Variants in PAX5 observed in about 807,000 individuals in gnomAD.
PAX5 encodes the protein paired box 5, also known as paired box protein Pax-5.
Under a neutral mutation model 43.7 loss-of-function variants are expected in PAX5, and 9 were observed. The ratio of observed to expected loss-of-function variants is 0.21; its 90% CI spans 0.12 to 0.36. PAX5 has a LOEUF of 0.36. Ranked by LOEUF, PAX5 falls within the 10% of genes least tolerant of loss-of-function variation. The probability of loss-of-function intolerance (pLI) is 1.00; values close to 1 mark genes in which losing one functional copy is unlikely to be tolerated. For missense variants in PAX5, 383 were observed against 532.7 expected, an observed-to-expected ratio of 0.72 and a Z score of 2.77; for synonymous variants, 228 against 214.3, an observed-to-expected ratio of 1.06 and a Z score of -0.56.
At chr9:36,849,443 G>T (rs1460981606) in intron 8 of PAX5, among the ~76,000 whole-genome samples, 1 of 152,262 alleles carries the variant, frequency 6.6e-6, no homozygotes, top group East Asian at 1.9e-4. Flanking sequence ...AGGGAGTTTT[G>T]TCTGTTCACG....
At position 36,921,440 on chromosome 9, in the gene PAX5, T is replaced by C. The variant is rs574864090; in HGVS notation, c.910+1915A>G. On this transcript the variant is annotated intron_variant, in intron 7 of 9. Transcript: ENST00000358127. ...AAGGCAGTGACCTTGCTGGATGAGC[T>C]CCAGCTGATCTGTGTGGCAGCATGG... Among the ~76,000 whole-genome samples, 12 of 152,282 alleles carry C rather than the reference T, an allele frequency of 7.9e-5. No homozygotes were observed. The South Asian group carries it at 2.5e-3, about 32-fold the overall frequency.
intron 4 of PAX5, among the ~76,000 whole-genome samples, chr9:37,004,931 A>C (rs1838258935): frequency 6.6e-6 from 1 of 152,232 alleles, no homozygotes; most frequent in African/African-American, 2.4e-5. Context: ...CTCCTCGGTA[A>C]GTTTGTGAAC....
chr9:37,033,870 A>T, intron 1 of PAX5, 116 bp downstream of exon 1: 1 of 801,066 alleles, frequency 1.2e-6, no homozygotes, highest in Non-Finnish European at 2.2e-6. Context: ...CCGCAGTTAG[A>T]CAGTCTCTAC....
chr9:36,850,939 C>T (rs1823101672), intron 8 of PAX5, among the ~76,000 whole-genome samples: 1 of 152,192 alleles, frequency 6.6e-6, no homozygotes, highest in African/African-American at 2.4e-5. Flanking sequence ...GCAGTTGGCA[C>T]TGTAAACTGG....
intron 5 of PAX5, among the ~76,000 whole-genome samples, chr9:37,002,174 G>A (rs1837931025): frequency 6.6e-6 from 1 of 152,106 alleles, no homozygotes; most frequent in African/African-American, 2.4e-5. Context: ...TTCTCTGTCT[G>A]CTGAGACGTG....
In PAX5 at chr9:36,835,353, C is replaced by T. The variant is rs1821567551; in HGVS notation, c.*5207G>A. On this transcript the variant is annotated 3_prime_UTR_variant, in exon 10 of 10. Coordinates refer to ENST00000358127, the MANE Select transcript of PAX5 (RefSeq NM_016734.3). ...AAAGACAGGCTGGTGCCTGCCTGCT[C>T]CTGGCCGGCAGCTCATTTCAGAGAA... 1 of 232,784 alleles carries T rather than the reference C, an allele frequency of 4.3e-6. No individual in the cohort carries two copies. Among genetic ancestry groups the T allele is most frequent in the African/African-American group, 2.2e-5 (1 of 45,332 alleles). 14.4% of individuals were successfully genotyped at this position (232,784 alleles called of 1,614,324 possible).
chr9:36,905,919 C>T (rs570175484), intron 7 of PAX5, among the ~76,000 whole-genome samples: 1 of 152,148 alleles, frequency 6.6e-6, no homozygotes, highest in East Asian at 1.9e-4. Context: ...ATTCCAAAGT[C>T]TCTTGACTCT....
intron 5 of PAX5, among the ~76,000 whole-genome samples, chr9:36,976,401 G>A (rs1465940761): frequency 6.6e-6 from 1 of 152,142 alleles, no homozygotes; most frequent in East Asian, 1.9e-4. Context: ...GACGATCAGA[G>A]CCAGGCCTGG....
chr9:36,957,074 A>G (rs1833551431), intron 6 of PAX5, among the ~76,000 whole-genome samples: 1 of 152,130 alleles, frequency 6.6e-6, no homozygotes, highest in Non-Finnish European at 1.5e-5. Context: ...CACTTATCCG[A>G]CTGGTCAGAG....
intron 5 of PAX5, among the ~76,000 whole-genome samples, chr9:36,999,088 A>C (rs1002831948): frequency 1.1e-4 from 16 of 152,194 alleles, no homozygotes; most frequent in Non-Finnish European, 1.6e-4. Context: ...CATCTGAGAC[A>C]CATAGCTCAA....
At chr9:36,896,460 C>T (rs1827876398) in intron 7 of PAX5, among the ~76,000 whole-genome samples, 2 of 152,042 alleles carry the variant, frequency 1.3e-5, no homozygotes, top group Admixed American at 6.6e-5. Context: ...AAACCAAGCC[C>T]ATCCCACAGA....
intron 8 of PAX5, among the ~76,000 whole-genome samples, chr9:36,877,644 C>T (rs956505560): frequency 5.3e-5 from 8 of 152,228 alleles, no homozygotes; most frequent in African/African-American, 1.9e-4. Context: ...AGCACCGTCA[C>T]AATTCAGTGG....
chr9:36,881,791 C>A (rs368493836), intron 8 of PAX5, among the ~76,000 whole-genome samples: 8 of 151,976 alleles, frequency 5.3e-5, no homozygotes, highest in African/African-American at 1.9e-4. Flanking sequence ...AGTCAAAGAC[C>A]CTCCCCTCGC....
rs150535499 is a variant in PAX5 at position 37,010,765 on chromosome 9, C to T, written c.411-4228G>A. ...CCATCAGTGCAGTAAGAAGCTTGGG[C>T]CATCAGCTATGCCGAGAATTCAAAA... On this transcript the variant is annotated intron_variant, in intron 3 of 9. Coordinates refer to ENST00000358127, the MANE Select transcript of PAX5 (RefSeq NM_016734.3). 5.1e-3 allele frequency among the ~76,000 whole-genome samples: 781 copies of T among 152,232 alleles called. 7 individuals carry two copies. The highest frequency in any genetic ancestry group is 0.015 in the African/African-American group (640 of 41,530).
intron 7 of PAX5, among the ~76,000 whole-genome samples, chr9:36,910,813 C>A (rs1381206682): frequency 1.3e-5 from 2 of 152,156 alleles, no homozygotes; most frequent in South Asian, 2.1e-4. Flanking sequence ...AAGAGTCAGG[C>A]CGCCGGACCT....
chr9:36,957,023 C>CTG lies in PAX5; in HGVS notation c.780+9525_780+9526insCA, dbSNP rs1554671736. ...AACTGGGATGAGAAGCCTTGTCCCCCCCACTTCCACCCTCTTATAGCTCCC... is the reference window on the plus strand; with the variant it reads ...AACTGGGATGAGAAGCCTTGTCCCCCTGCCACTTCCACCCTCTTATAGCTCCC... On this transcript the variant is annotated intron_variant, in intron 6 of 9. Transcript: ENST00000358127. Among the ~76,000 whole-genome samples the CTG allele has an allele frequency of 2.2e-4, 34 of 151,516 alleles. 1 individual carries two copies. The East Asian group carries it at 6.3e-3, about 28-fold the overall frequency.
chr9:36,939,797 G>C (rs577525215), intron 6 of PAX5, among the ~76,000 whole-genome samples: 1 of 152,254 alleles, frequency 6.6e-6, no homozygotes, highest in Non-Finnish European at 1.5e-5. Flanking sequence ...GAGGGAGAGA[G>C]AGAAAAAGCA....
chr9:36,880,325 C>T (rs1006175957), intron 8 of PAX5, among the ~76,000 whole-genome samples: 5 of 152,234 alleles, frequency 3.3e-5, no homozygotes, highest in South Asian at 2.1e-4. Context: ...AGCCGGGCCT[C>T]AGGCCCAGGG....
In PAX5 at chr9:37,002,678, C is replaced by T. The variant is rs935667573; in HGVS notation, c.574G>A (p.Ala192Thr). The T allele has an allele frequency of 2.5e-6, 4 of 1,611,446 alleles. No homozygotes were observed. Among genetic ancestry groups the T allele is most frequent in the South Asian group, 1.1e-5 (1 of 90,552 alleles). Reference protein sequence around the residue: ...SGILGITSPSADTNKRKRDEG... With the variant: ...SGILGITSPSTDTNKRKRDEG... ...TCTCTCTTGCGCTTGTTGGTGTCGGCGCTGGGGGACGTGATGCCCAGGATG... is the reference window on the plus strand; with the variant it reads ...TCTCTCTTGCGCTTGTTGGTGTCGGTGCTGGGGGACGTGATGCCCAGGATG... The change falls in exon 5 of 10, where the codon GCC (alanine) becomes ACC (threonine). Residue 192 changes from alanine (A) to threonine (T), a missense_variant. Around this residue, in one of 5 missense-constraint regions of PAX5, gnomAD observed 291 missense variants for 342.5 expected, o/e 0.85. Transcript: ENST00000358127.
Sources: gnomAD v4.1 joint callset for allele counts (sites outside exome capture counted in the v4.1 genomes callset) on GRCh38, gnomAD v4.1.1 for gene constraint, gnomAD v4.1.1 regional missense constraint, MANE v1.5 for transcripts, NCBI Gene and HGNC (gene_info 2026-07-23, HGNC 2026-07-21) for gene names.